The following PACSIN2 variants were observed in gnomAD, a reference collection of about 807,000 sequenced individuals.
The protein encoded by PACSIN2 is protein kinase C and casein kinase substrate in neurons protein 2.
In PACSIN2, 25 loss-of-function variants were observed where a neutral mutation model predicts 63.8. The observed-to-expected ratio is 0.39, with a 90% CI of 0.29 to 0.55. The LOEUF is 0.55. Ranked by LOEUF, PACSIN2 falls within the 20% of genes least tolerant of loss-of-function variation. The probability of loss-of-function intolerance (pLI) is 0.62; values close to 1 mark genes in which losing one functional copy is unlikely to be tolerated. For synonymous variants in PACSIN2, 255 were observed against 256.2 expected (o/e 1.00, Z 0.05); for missense variants, 518 against 646.9 (o/e 0.80, Z 2.16).
chr22:43,004,202 C>A (rs1923945038), intron 1 of PACSIN2, among the ~76,000 whole-genome samples: 1 of 152,166 alleles, frequency 6.6e-6, no homozygotes, highest in South Asian at 2.1e-4. Context: ...CTGAAGGCCA[C>A]TGAATCTCTC....
chr22:42,941,695 A>C (rs149125783), intron 1 of PACSIN2, among the ~76,000 whole-genome samples: 1 of 152,326 alleles, frequency 6.6e-6, no homozygotes, highest in African/African-American at 2.4e-5. Flanking sequence ...CTATCTTTGA[A>C]GAAACGTCGG....
intron 1 of PACSIN2, among the ~76,000 whole-genome samples, chr22:42,930,392 A>C (rs2146773032): frequency 6.6e-6 from 1 of 152,288 alleles, no homozygotes; most frequent in Middle Eastern, 3.4e-3. Flanking sequence ...CCTTTGTCTC[A>C]GCTCTCAGAC....
intron 1 of PACSIN2, among the ~76,000 whole-genome samples, chr22:42,912,706 G>A (rs557130408): frequency 2.0e-5 from 3 of 152,294 alleles, no homozygotes; most frequent in African/African-American, 4.8e-5. Flanking sequence ...GGGTAAAGGC[G>A]GCAATTATTT....
chr22:42,947,678 G>A (rs182958596), intron 1 of PACSIN2, among the ~76,000 whole-genome samples: 1 of 139,978 alleles, frequency 7.1e-6, no homozygotes, highest in African/African-American at 2.5e-5. Flanking sequence ...CTGGGGGTGG[G>A]GGGGGGGACC....
Position 42,888,796 on chromosome 22 carries a change from T to G in PACSIN2, c.456A>C (p.Val152=), listed in dbSNP as rs149757655. 1.2e-6 allele frequency: 2 copies of G among 1,614,144 alleles called. No homozygotes were observed. Among genetic ancestry groups the G allele is most frequent in the South Asian group, 2.2e-5 (2 of 91,086 alleles). Residue 152 remains valine (V), a splice_region_variant and synonymous_variant, in exon 5 of 11, where the codon GTA becomes GTC. Coordinates refer to ENST00000263246, the MANE Select transcript of PACSIN2 (RefSeq NM_001184970.3). The part of the protein sequence containing the change: ...QKPWAKKLKE[V]EAAKKAHHAA... ...CATGGTGGGCTTTCTTTGCTGCTTC[T>G]ACCTACAGGGAGAATGAGTTCCTGA...
At chr22:42,962,825 T>C (rs1047481138) in intron 1 of PACSIN2, among the ~76,000 whole-genome samples, 4 of 146,504 alleles carry the variant, frequency 2.7e-5, no homozygotes, top group Non-Finnish European at 5.9e-5. Context: ...AACTGAATAG[T>C]AGTGGGACTA....
Position 42,882,915 on chromosome 22 carries a change from G to A in PACSIN2, c.786-611C>T, listed in dbSNP as rs138524371. On this transcript the variant is annotated intron_variant, in intron 6 of 10. Transcript: ENST00000263246. ...GAGTCATGTACTTTCTCTGGGCCTC[G>A]GTTTCCTCCTCCGTTGAGTGGGCAT... is the stretch of plus-strand genomic sequence containing the variant. Among the ~76,000 whole-genome samples, 347 of 152,206 alleles carry A rather than the reference G, an allele frequency of 2.3e-3. 3 individuals are homozygous for A. Among genetic ancestry groups the A allele is most frequent in the African/African-American group, 8.0e-3 (331 of 41,524 alleles).
At chr22:42,948,638 G>A (rs1230172556) in intron 1 of PACSIN2, among the ~76,000 whole-genome samples, 1 of 152,140 alleles carries the variant, frequency 6.6e-6, no homozygotes, top group Non-Finnish European at 1.5e-5. Flanking sequence ...AACACAGTGA[G>A]ATCCCATCTC....
chr22:42,892,969 C>T (rs957586232), intron 3 of PACSIN2, among the ~76,000 whole-genome samples: 4 of 152,196 alleles, frequency 2.6e-5, no homozygotes, highest in African/African-American at 4.8e-5. Flanking sequence ...CTGAGCTTTT[C>T]GGTGGGGACA....
intron 1 of PACSIN2, among the ~76,000 whole-genome samples, chr22:42,994,334 C>A (rs966953097): frequency 5.9e-5 from 9 of 152,218 alleles, no homozygotes; most frequent in Non-Finnish European, 8.8e-5. Context: ...GGAGGGACAA[C>A]CCCAAACACA....
chr22:43,011,101 C>A (rs1013465326), intron 1 of PACSIN2, among the ~76,000 whole-genome samples: 1 of 152,214 alleles, frequency 6.6e-6, no homozygotes, highest in African/African-American at 2.4e-5. Flanking sequence ...TCCCAAGAAC[C>A]ACCACTGGGA....
chr22:42,877,845 C>A (rs1179655678), intron 8 of PACSIN2, among the ~76,000 whole-genome samples: 1 of 152,208 alleles, frequency 6.6e-6, no homozygotes, highest in Non-Finnish European at 1.5e-5. Flanking sequence ...CTTCCAAGAC[C>A]AGGGCCTCAG....
chr22:42,895,962 CCTGGG>C (rs1930248512), intron 2 of PACSIN2, among the ~76,000 whole-genome samples: 1 of 152,228 alleles, frequency 6.6e-6, no homozygotes. Flanking sequence ...TTTCCACTTC[CCTGGG>C]CAAAGCACTG....
At chr22:42,940,222 C>T (rs1303150128) in intron 1 of PACSIN2, among the ~76,000 whole-genome samples, 1 of 152,166 alleles carries the variant, frequency 6.6e-6, no homozygotes, top group Admixed American at 6.5e-5. Flanking sequence ...ACTCAAACTC[C>T]TTAACTACTC....
In PACSIN2 at chr22:42,871,722, T is replaced by TGGCTCCCACTGAGACTGC. The variant is rs1394242480; in HGVS notation, c.1349-271_1349-254dup. On this transcript the variant is annotated intron_variant, in intron 10 of 10. Transcript: ENST00000263246. The surrounding 1 kb of genome is among the most constrained non-coding windows in gnomAD (Gnocchi z 5.4). ...AACAAGCTGCTCTCAGCTGCCACAGTGGCTCCCACTGAGACTGCGGCATCC... is the reference window on the plus strand; with the variant it reads ...AACAAGCTGCTCTCAGCTGCCACAGTGGCTCCCACTGAGACTGCGGCTCCCACTGAGACTGCGGCATCC... 1.3e-5 allele frequency among the ~76,000 whole-genome samples: 2 copies of TGGCTCCCACTGAGACTGC among 152,142 alleles called. No individual in the cohort carries two copies. Among genetic ancestry groups the TGGCTCCCACTGAGACTGC allele is most frequent in the African/African-American group, 4.8e-5 (2 of 41,436 alleles).
intron 5 of PACSIN2, among the ~76,000 whole-genome samples, chr22:42,887,358 C>T (rs1466363934): frequency 1.3e-5 from 2 of 152,202 alleles, no homozygotes; most frequent in African/African-American, 4.8e-5. Context: ...CCTGCTCTCA[C>T]CTGCTGGATG....
rs953313183 is a variant in PACSIN2 at position 42,879,015 on chromosome 22, G to A, written c.1028+33C>T. 8.1e-6 allele frequency: 13 copies of A among 1,600,808 alleles called. No homozygotes were observed. In the Admixed American group the frequency reaches 8.5e-5, roughly 10 times the overall value. On this transcript the variant is annotated intron_variant, in intron 8 of 10. Transcript: ENST00000263246. ...TTGCCCAGGGCCCCCACCATGGAACGGCCTCTTTTGGATGGAGGTGGCGCC... is the reference window on the plus strand; with the variant it reads ...TTGCCCAGGGCCCCCACCATGGAACAGCCTCTTTTGGATGGAGGTGGCGCC...
intron 1 of PACSIN2, among the ~76,000 whole-genome samples, chr22:42,961,393 G>A (rs1307046011): frequency 6.9e-6 from 1 of 144,658 alleles, no homozygotes; most frequent in Non-Finnish European, 1.5e-5. Context: ...CTCCACTATT[G>A]TCCTATGACC....
At chr22:42,951,918 G>A (rs900559598) in intron 1 of PACSIN2, among the ~76,000 whole-genome samples, 10 of 152,106 alleles carry the variant, frequency 6.6e-5, no homozygotes, top group African/African-American at 2.4e-4. Context: ...CACCAGACTC[G>A]GCTTACCTTT....
Sources: gnomAD v4.1 joint callset for allele counts (sites outside exome capture counted in the v4.1 genomes callset) on GRCh38, gnomAD v4.1.1 for gene constraint, Gnocchi (gnomAD v3.1) non-coding constraint, MANE v1.5 for transcripts, NCBI Gene and HGNC (gene_info 2026-07-23, HGNC 2026-07-21) for gene names.